Variants in ROBO2 observed in about 807,000 individuals in gnomAD.
The protein encoded by ROBO2 is roundabout homolog 2.
Under a neutral mutation model 160.8 loss-of-function variants are expected in ROBO2, and 53 were observed. The observed-to-expected ratio is 0.33, with a 90% CI of 0.26 to 0.41. ROBO2 has a LOEUF of 0.41. Ranked by LOEUF, ROBO2 falls within the 10% of genes least tolerant of loss-of-function variation. The probability of loss-of-function intolerance (pLI) is 1.00; values close to 1 mark genes in which losing one functional copy is unlikely to be tolerated. For synonymous variants in ROBO2, 664 were observed against 611.7 expected (o/e 1.09, Z -1.26); for missense variants, 1,577 against 1,722.4 (o/e 0.92, Z 1.49).
intron 2 of ROBO2, chr3:75,964,902 TTA>T (rs1326501658): frequency 6.6e-6 from 1 of 150,778 alleles, no homozygotes; most frequent in Non-Finnish European, 1.5e-5. Flanking sequence ...AGTATTCCCA[TTA>T]TATGTTTCCC....
intron 2 of ROBO2, among the ~76,000 whole-genome samples, chr3:77,476,103 G>A (rs1369378037): frequency 6.6e-6 from 1 of 152,160 alleles, no homozygotes; most frequent in African/African-American, 2.4e-5. Flanking sequence ...TGCAAAATAC[G>A]AGAAAAGAAA....
At chr3:76,867,742 C>T (rs759579560) in intron 2 of ROBO2, among the ~76,000 whole-genome samples, 1 of 152,130 alleles carries the variant, frequency 6.6e-6, no homozygotes, top group Non-Finnish European at 1.5e-5. Flanking sequence ...ATTCTCTCCT[C>T]GAAAACCATT....
At chr3:76,657,450 TA>T (rs1163149744) in intron 2 of ROBO2, among the ~76,000 whole-genome samples, 40 of 143,398 alleles carry the variant, frequency 2.8e-4, no homozygotes, top group Admixed American at 4.9e-4. Context: ...AAAATTACAT[TA>T]AAAAAAAAAA....
At position 76,483,493 on chromosome 3, in the gene ROBO2, C is replaced by T. The variant is rs192362419; in HGVS notation, c.109+545891C>T. ...TCCATTATACCATCTCCTTACAAGT[C>T]GCATATGTAACCAATATATAAATAC... On this transcript the variant is annotated intron_variant, in intron 2 of 26. Transcript: ENST00000487694. 1.7e-3 allele frequency among the ~76,000 whole-genome samples: 263 copies of T among 151,948 alleles called. 1 individual carries two copies. The highest frequency in any genetic ancestry group is 5.9e-3 in the African/African-American group (244 of 41,436).
intron 16 of ROBO2, among the ~76,000 whole-genome samples, chr3:77,583,194 C>T (rs1440606052): frequency 1.3e-5 from 2 of 151,460 alleles, no homozygotes; most frequent in African/African-American, 4.9e-5. Context: ...ATTTTCAGTC[C>T]CCTCAGCTTC....
chr3:77,017,097 C>T (rs149533098), intron 2 of ROBO2, among the ~76,000 whole-genome samples: 1 of 152,108 alleles, frequency 6.6e-6, no homozygotes, highest in East Asian at 1.9e-4. Context: ...TCCTTATCAA[C>T]AGGAAGATCT....
At chr3:77,296,229 G>GAACA (rs1161851118) in intron 2 of ROBO2, among the ~76,000 whole-genome samples, 1 of 150,654 alleles carries the variant, frequency 6.6e-6, no homozygotes, top group Non-Finnish European at 1.5e-5. Context: ...GTTGAGGCTA[G>GAACA]AACAGTAAAG....
intron 2 of ROBO2, among the ~76,000 whole-genome samples, chr3:77,218,804 C>G (rs59490555): frequency 0.035 from 5,396 of 152,272 alleles, 115 homozygotes; most frequent in Middle Eastern, 0.058. Context: ...TTTTCCTTTA[C>G]AATGGAAGTG....
chr3:76,969,695 C>A (rs759882553), intron 2 of ROBO2, among the ~76,000 whole-genome samples: 1 of 152,092 alleles, frequency 6.6e-6, no homozygotes, highest in African/African-American at 2.4e-5. Context: ...AGCATTCCAG[C>A]CTCTGATAAT....
intron 2 of ROBO2, among the ~76,000 whole-genome samples, chr3:76,619,844 T>G (rs2088920723): frequency 1.3e-5 from 2 of 152,180 alleles, no homozygotes. Flanking sequence ...ATTTACTTTG[T>G]GAGAAACAGT....
chr3:76,202,282 C>A (rs1373982033), intron 2 of ROBO2, among the ~76,000 whole-genome samples: 1 of 152,074 alleles, frequency 6.6e-6, no homozygotes, highest in African/African-American at 2.4e-5. Flanking sequence ...CAATATAATG[C>A]CTAGACTTGT....
intron 2 of ROBO2, among the ~76,000 whole-genome samples, chr3:75,958,353 T>C (rs555797266): frequency 6.6e-6 from 1 of 151,786 alleles, no homozygotes; most frequent in Non-Finnish European, 1.5e-5. Flanking sequence ...CTTATAGGAA[T>C]AGAATATACC....
intron 6 of ROBO2, among the ~76,000 whole-genome samples, chr3:77,525,808 T>C (rs1430741020): frequency 6.6e-6 from 1 of 150,742 alleles, no homozygotes; most frequent in Non-Finnish European, 1.5e-5. Flanking sequence ...CTTTTGTCAA[T>C]ATCCTACACT....
At chr3:76,741,524 A>G (rs1391418165) in intron 2 of ROBO2, among the ~76,000 whole-genome samples, 2 of 152,032 alleles carry the variant, frequency 1.3e-5, no homozygotes, top group African/African-American at 4.8e-5. Context: ...TTCTTATTGA[A>G]GTGGACTGCA....
chr3:77,151,977 G>A lies in ROBO2; in HGVS notation c.388+53637G>A, dbSNP rs558447033. 2.9e-3 allele frequency among the ~76,000 whole-genome samples: 442 copies of A among 152,122 alleles called. 3 individuals carry two copies. The highest frequency in any genetic ancestry group is 0.01 in the African/African-American group (417 of 41,496). ...TTTCTAGTACACACTTTCTACTACT[G>A]TAACTTTAGTACATCCTCAGTTTTA... On this transcript the variant is annotated intron_variant, in intron 2 of 25. Transcript: ENST00000461745.
At chr3:76,015,298 T>A (rs1379864374) in intron 2 of ROBO2, among the ~76,000 whole-genome samples, 1 of 152,202 alleles carries the variant, frequency 6.6e-6, no homozygotes, top group Non-Finnish European at 1.5e-5. Context: ...TTATATAAAA[T>A]ATGCATATGT....
At chr3:76,226,311 G>T (rs1704281068) in intron 2 of ROBO2, among the ~76,000 whole-genome samples, 1 of 152,082 alleles carries the variant, frequency 6.6e-6, no homozygotes, top group African/African-American at 2.4e-5. Context: ...AACAAATAAT[G>T]AAATAATTTT....
chr3:75,961,312 A>AT (rs1948903390), intron 2 of ROBO2, among the ~76,000 whole-genome samples: 1 of 151,648 alleles, frequency 6.6e-6, no homozygotes, highest in Non-Finnish European at 1.5e-5. Context: ...TTTGTATGTT[A>AT]TTTAACCTTA....
intron 2 of ROBO2, among the ~76,000 whole-genome samples, chr3:76,291,010 A>G (rs1280261966): frequency 1.3e-5 from 2 of 151,808 alleles, no homozygotes; most frequent in Non-Finnish European, 2.9e-5. Flanking sequence ...TTTCTTTGTT[A>G]TTGTGTCTCT....
Sources: allele counts gnomAD v4.1 joint callset (sites outside exome capture counted in the v4.1 genomes callset), GRCh38; gene constraint gnomAD v4.1.1; transcripts MANE v1.5; gene names NCBI Gene and HGNC (gene_info 2026-07-23, HGNC 2026-07-21).